CNTNAP2: variants seen among roughly 807,000 people sequenced by gnomAD.
The protein encoded by CNTNAP2 is contactin-associated protein-like 2.
A neutral mutation model predicts 155.2 loss-of-function variants in CNTNAP2; 98 were observed. The observed-to-expected ratio is 0.63, with a 90% CI of 0.54 to 0.75. The LOEUF is 0.75. Ranked by LOEUF, CNTNAP2 falls within the 30% of genes least tolerant of loss-of-function variation. The probability of loss-of-function intolerance (pLI) is 0.00; values close to 1 mark genes in which losing one functional copy is unlikely to be tolerated. For missense variants in CNTNAP2, 1,727 were observed against 1,688.1 expected, an observed-to-expected ratio of 1.02 and a Z score of -0.40; for synonymous variants, 651 against 631.2, an observed-to-expected ratio of 1.03 and a Z score of -0.47.
intron 8 of CNTNAP2, among the ~76,000 whole-genome samples, chr7:147,175,982 G>A (rs1448982275): frequency 6.6e-6 from 1 of 152,062 alleles, no homozygotes; most frequent in Middle Eastern, 3.2e-3. Flanking sequence ...TCAAATACTG[G>A]CAGTTACCTG....
At chr7:147,608,344 A>G (rs956833939) in intron 12 of CNTNAP2, among the ~76,000 whole-genome samples, 6 of 151,454 alleles carry the variant, frequency 4.0e-5, no homozygotes, top group African/African-American at 1.5e-4. Flanking sequence ...ACAGGGGTCT[A>G]TAATTTCAAA....
At chr7:146,165,944 A>G (rs1206771768) in intron 1 of CNTNAP2, among the ~76,000 whole-genome samples, 1 of 152,134 alleles carries the variant, frequency 6.6e-6, no homozygotes, top group Non-Finnish European at 1.5e-5. Context: ...GTGTATTTGC[A>G]TGTTCAATTT....
intron 1 of CNTNAP2, among the ~76,000 whole-genome samples, chr7:146,263,913 T>C (rs891240590): frequency 6.6e-6 from 1 of 152,156 alleles, no homozygotes; most frequent in Non-Finnish European, 1.5e-5. Context: ...ATTATCTTAA[T>C]TTACTTATAG....
intron 8 of CNTNAP2, among the ~76,000 whole-genome samples, chr7:147,200,012 C>T (rs886376545): frequency 3.9e-5 from 6 of 151,982 alleles, no homozygotes; most frequent in Admixed American, 1.3e-4. Context: ...TCAGGCACAA[C>T]CATGAAGTGG....
At chr7:147,101,172 G>A (rs1015510212) in intron 4 of CNTNAP2, among the ~76,000 whole-genome samples, 1 of 152,214 alleles carries the variant, frequency 6.6e-6, no homozygotes, top group African/African-American at 2.4e-5. Flanking sequence ...GAGCCTGGAC[G>A]GGAAGGCAGG....
intron 1 of CNTNAP2, among the ~76,000 whole-genome samples, chr7:146,462,008 A>C (rs1330699920): frequency 1.3e-5 from 2 of 152,210 alleles, no homozygotes; most frequent in Non-Finnish European, 2.9e-5. Context: ...ATATTACTTT[A>C]AATATTCTAA....
At chr7:146,218,425 C>T (rs373382021) in intron 1 of CNTNAP2, among the ~76,000 whole-genome samples, 17 of 152,130 alleles carry the variant, frequency 1.1e-4, no homozygotes, top group Admixed American at 9.2e-4. Flanking sequence ...AGGAGAATGG[C>T]GTGAACCTGA....
intron 8 of CNTNAP2, among the ~76,000 whole-genome samples, chr7:147,267,516 T>C (rs1202277623): frequency 6.6e-6 from 1 of 151,666 alleles, no homozygotes; most frequent in Non-Finnish European, 1.5e-5. Flanking sequence ...AAATTTACCC[T>C]CACTATTAAG....
chr7:147,703,615 T>C (rs1444056087), intron 13 of CNTNAP2, among the ~76,000 whole-genome samples: 1 of 152,210 alleles, frequency 6.6e-6, no homozygotes, highest in Non-Finnish European at 1.5e-5. Context: ...GAGATACACG[T>C]GATATTTTGT....
chr7:147,498,654 T>C (rs1487852199), intron 11 of CNTNAP2, among the ~76,000 whole-genome samples: 1 of 152,218 alleles, frequency 6.6e-6, no homozygotes, highest in African/African-American at 2.4e-5. Context: ...CCTCTTCCTT[T>C]ATACATATAG....
intron 3 of CNTNAP2, among the ~76,000 whole-genome samples, chr7:146,911,723 G>A (rs527911577): frequency 1.3e-5 from 2 of 151,744 alleles, no homozygotes; most frequent in South Asian, 4.2e-4. Flanking sequence ...AAGTTAGTGG[G>A]TGCAGCGCAC....
intron 1 of CNTNAP2, among the ~76,000 whole-genome samples, chr7:146,616,449 G>T (rs979433774): frequency 1.3e-5 from 2 of 152,146 alleles, no homozygotes; most frequent in African/African-American, 4.8e-5. Flanking sequence ...TTCAATATGA[G>T]GATGGCCTTT....
intron 4 of CNTNAP2, among the ~76,000 whole-genome samples, chr7:147,068,849 C>T (rs989837471): frequency 3.3e-5 from 5 of 152,172 alleles, no homozygotes; most frequent in Non-Finnish European, 7.3e-5. Flanking sequence ...TGTGTATCCT[C>T]CCGTGTGTTA....
intron 11 of CNTNAP2, among the ~76,000 whole-genome samples, chr7:147,491,474 T>C (rs1323952371): frequency 1.3e-5 from 2 of 152,200 alleles, no homozygotes; most frequent in Non-Finnish European, 2.9e-5. Flanking sequence ...CACATATGTC[T>C]TTTAGCACTA....
At chr7:147,725,456 CT>C (rs1477796534) in intron 13 of CNTNAP2, among the ~76,000 whole-genome samples, 4 of 151,974 alleles carry the variant, frequency 2.6e-5, no homozygotes, top group African/African-American at 7.3e-5. Flanking sequence ...AAAGATGCTT[CT>C]GCGTTTTTAT....
At position 147,393,984 on chromosome 7, in the gene CNTNAP2, G is replaced by C. The variant is rs764336966; in HGVS notation, c.1499-1625G>C. On this transcript the variant is annotated intron_variant, in intron 9 of 23. Coordinates refer to ENST00000361727, the MANE Select transcript of CNTNAP2 (RefSeq NM_014141.6). ...TACTATCCTTGGTCAAAAAGAATAG[G>C]ATATTTTGAAAATGTCACTTAATAA... Among the ~76,000 whole-genome samples the C allele has an allele frequency of 5.1e-4, 78 of 152,020 alleles. 1 individual carries two copies. The highest frequency in any genetic ancestry group is 7.9e-4 in the Admixed American group (12 of 15,228).
chr7:147,527,780 AG>A lies in CNTNAP2; in HGVS notation c.1778-34357del, dbSNP rs1799353949. ...CAAAAGCAAAGTTGGCTTCTGTCAT[AG>A]TTTTGATTCTTCTCAAGTCAGATTC... On this transcript the variant is annotated intron_variant, in intron 11 of 23. Coordinates refer to ENST00000361727, the MANE Select transcript of CNTNAP2 (RefSeq NM_014141.6). Among the ~76,000 whole-genome samples, 4 of 152,278 alleles carry A rather than the reference AG, an allele frequency of 2.6e-5. No individual in the cohort carries two copies. In the South Asian group the frequency reaches 8.3e-4, roughly 32 times the overall value.
At chr7:146,269,211 G>A (rs1028226434) in intron 1 of CNTNAP2, among the ~76,000 whole-genome samples, 1 of 152,070 alleles carries the variant, frequency 6.6e-6, no homozygotes, top group Non-Finnish European at 1.5e-5. Flanking sequence ...ACGGTGGCAC[G>A]CGCCTGTGGT....
intron 2 of CNTNAP2, among the ~76,000 whole-genome samples, chr7:146,788,157 C>A (rs530132823): frequency 2.6e-5 from 4 of 152,164 alleles, no homozygotes; most frequent in Non-Finnish European, 5.9e-5. Flanking sequence ...GCCCAGCAGG[C>A]GCGGGCTGGC....
Sources: allele counts gnomAD v4.1 joint callset (sites outside exome capture counted in the v4.1 genomes callset), GRCh38; gene constraint gnomAD v4.1.1; transcripts MANE v1.5; gene names NCBI Gene and HGNC (gene_info 2026-07-23, HGNC 2026-07-21).